Variants in KLF15 observed in about 807,000 individuals in gnomAD.
KLF15 encodes Krueppel-like factor 15.
In KLF15, 4 loss-of-function variants were observed where a neutral mutation model predicts 24.6. The observed-to-expected ratio is 0.16, with a 90% CI of 0.08 to 0.37. The LOEUF (loss-of-function observed/expected upper bound fraction) is 0.37. KLF15 is among the 10% of genes least tolerant of loss of function. The probability of loss-of-function intolerance (pLI) is 1.00; values close to 1 mark genes in which losing one functional copy is unlikely to be tolerated. For synonymous variants in KLF15, 246 were observed against 236.3 expected (o/e 1.04, Z -0.37); for missense variants, 496 against 560.6 (o/e 0.88, Z 1.16).
rs565318359 is a variant in KLF15, at chr3:126,356,672, G to C, written c.-26+565C>G. Among the ~76,000 whole-genome samples, 1 of 152,068 alleles carries C rather than the reference G, an allele frequency of 6.6e-6. No homozygotes were observed. On this transcript the variant is annotated intron_variant, in intron 1 of 2. Coordinates refer to ENST00000296233, the MANE Select transcript of KLF15 (RefSeq NM_014079.4). The surrounding 1 kb of genome is among the most constrained non-coding windows in gnomAD (Gnocchi z 4.4). ...GCGGGAGGCTGTCCGCGAAGGACTC[G>C]CGCGTGGAGCCGCCGTGGGTGCCGG...
At chr3:126,319,017 T>C in the KLF15 span, among the ~76,000 whole-genome samples, 1 of 152,258 alleles carries the variant, frequency 6.6e-6, no homozygotes, top group African/African-American at 2.4e-5. Context: ...TCCATAGTTT[T>C]GCTTTTTCCA....
At chr3:126,299,116 T>C in the KLF15 span, among the ~76,000 whole-genome samples, 2 of 152,242 alleles carry the variant, frequency 1.3e-5, no homozygotes, top group Admixed American at 1.3e-4. Context: ...TGTATTTCTA[T>C]TTCTTTGTGT....
At chr3:126,329,083 T>C in the KLF15 span, among the ~76,000 whole-genome samples, 2 of 152,218 alleles carry the variant, frequency 1.3e-5, no homozygotes, top group Admixed American at 1.3e-4. Flanking sequence ...TAATGGCACC[T>C]GCATCTTGCT....
In KLF15 at chr3:126,343,722, C is replaced by T. The variant is rs369737220; in HGVS notation, c.*5G>A. 155 of 1,608,740 alleles carry T rather than the reference C, an allele frequency of 9.6e-5. 1 individual carries two copies. Among genetic ancestry groups the T allele is most frequent in the Non-Finnish European group, 1.2e-4 (147 of 1,178,620 alleles). On this transcript the variant is annotated 3_prime_UTR_variant, in exon 3 of 3. Transcript: ENST00000296233. Reference sequence around the variant, plus strand: ...GTGACGGACAGGCTGGGGTTCAGGGCGCTTTCAGTTCACGGAGCGCACGGA... The same window carrying T: ...GTGACGGACAGGCTGGGGTTCAGGGTGCTTTCAGTTCACGGAGCGCACGGA...
At chr3:126,346,966 G>A (rs1289968099) in intron 2 of KLF15, among the ~76,000 whole-genome samples, 1 of 152,218 alleles carries the variant, frequency 6.6e-6, no homozygotes, top group Non-Finnish European at 1.5e-5. Flanking sequence ...AAGGCAACCA[G>A]TAACGGTTTA....
rs1481870727 is a variant in KLF15, at chr3:126,351,881, C to T, written c.1042G>A (p.Glu348Lys). ...LKAHLRRHTG[E>K]KPFACTWPGC... ...GGCCAGGTGCAGGCGAAGGGCTTCT[C>T]ACCCGTGTGCCGGCGCAGGTGGGCC... Residue 348 changes from glutamate (E) to lysine (K), a missense_variant, in exon 2 of 3, where the codon GAG becomes AAG. This residue lies in a region of KLF15 where 59 missense variants were observed against 106.1 expected (regional missense o/e 0.56). Coordinates refer to ENST00000296233, the MANE Select transcript of KLF15 (RefSeq NM_014079.4). The T allele has an allele frequency of 1.2e-6, 2 of 1,613,962 alleles. No individual in the cohort carries two copies. The highest frequency in any genetic ancestry group is 1.7e-5 in the Admixed American group (1 of 59,990).
the KLF15 span, among the ~76,000 whole-genome samples, chr3:126,295,831 T>G: frequency 3.3e-5 from 5 of 152,192 alleles, no homozygotes; most frequent in African/African-American, 9.6e-5. Flanking sequence ...CCAGGTGATG[T>G]TGGTTATGCT....
chr3:126,329,141 C>G, the KLF15 span, among the ~76,000 whole-genome samples: 1 of 152,198 alleles, frequency 6.6e-6, no homozygotes, highest in Admixed American at 6.5e-5. Context: ...CTCTTTTACC[C>G]ACTTGGAGTG....
rs1388675839 is a variant in KLF15 at position 126,356,575 on chromosome 3, C to A, written c.-26+662G>T. Among the ~76,000 whole-genome samples, 1 of 152,020 alleles carries A rather than the reference C, an allele frequency of 6.6e-6. No homozygotes were observed. Among genetic ancestry groups the A allele is most frequent in the Non-Finnish European group, 1.5e-5 (1 of 67,992 alleles). ...GAGACGCGTGAACGGTGCGGGTGTGCGTGAAGGGGTGTGAGTTCCTGTCGT... is the reference window on the plus strand; with the variant it reads ...GAGACGCGTGAACGGTGCGGGTGTGAGTGAAGGGGTGTGAGTTCCTGTCGT... On this transcript the variant is annotated intron_variant, in intron 1 of 2. Coordinates refer to ENST00000296233, the MANE Select transcript of KLF15 (RefSeq NM_014079.4). This position sits in a 1 kb window ranked among gnomAD's most constrained non-coding sequence, Gnocchi z 4.4.
the KLF15 span, among the ~76,000 whole-genome samples, chr3:126,323,435 A>AT: frequency 1.8e-4 from 10 of 54,850 alleles, no homozygotes; most frequent in African/African-American, 6.4e-4. Flanking sequence ...ATATATATAT[A>AT]ACATATATAT....
chr3:126,342,221 A>G (rs1290725474), downstream of KLF15, among the ~76,000 whole-genome samples: 3 of 152,230 alleles, frequency 2.0e-5, no homozygotes, highest in Admixed American at 6.5e-5. Context: ...CTAAGGGGGT[A>G]AATACTCTGC....
Position 126,343,710 on chromosome 3 carries a change from T to G in KLF15, c.*17A>C. 1 of 1,605,122 alleles carries G rather than the reference T, an allele frequency of 6.2e-7. No individual in the cohort carries two copies. Among genetic ancestry groups the G allele is most frequent in the Non-Finnish European group, 8.5e-7 (1 of 1,177,316 alleles). On this transcript the variant is annotated 3_prime_UTR_variant, in exon 3 of 3. Transcript: ENST00000296233. ...TGGGGATCCGGGGTGACGGACAGGC[T>G]GGGGTTCAGGGCGCTTTCAGTTCAC... is the stretch of plus-strand genomic sequence containing the variant.
downstream of KLF15, among the ~76,000 whole-genome samples, chr3:126,341,180 T>A (rs2082476984): frequency 6.6e-6 from 1 of 152,156 alleles, no homozygotes; most frequent in Non-Finnish European, 1.5e-5. Context: ...GTGCACCATA[T>A]GTGTGCACGT....
the KLF15 span, among the ~76,000 whole-genome samples, chr3:126,293,600 A>G: frequency 6.6e-6 from 1 of 152,126 alleles, no homozygotes; most frequent in Non-Finnish European, 1.5e-5. Context: ...AATGCCTCTC[A>G]CCCCAGGGCT....
chr3:126,341,755 G>C (rs1376951324), downstream of KLF15, among the ~76,000 whole-genome samples: 1 of 152,174 alleles, frequency 6.6e-6, no homozygotes, highest in Non-Finnish European at 1.5e-5. Context: ...CCAGCCTCCA[G>C]ATCTCCAAGG....
chr3:126,303,379 CT>C, the KLF15 span, among the ~76,000 whole-genome samples: 1 of 151,874 alleles, frequency 6.6e-6, no homozygotes, highest in South Asian at 2.1e-4. Flanking sequence ...TTTACTTTGC[CT>C]TTGTTTTTTG....
At chr3:126,347,691 C>T (rs753925738) in intron 2 of KLF15, among the ~76,000 whole-genome samples, 18 of 152,222 alleles carry the variant, frequency 1.2e-4, no homozygotes, top group South Asian at 2.1e-4. Flanking sequence ...ACTTCCCAGA[C>T]GGCTGGATCA....
At chr3:126,290,662 A>C in the KLF15 span, 1 of 152,160 alleles carries the variant, frequency 6.6e-6, no homozygotes, top group Non-Finnish European at 1.5e-5. Context: ...CTCCATTCCA[A>C]GATTACAGAA....
intron 2 of KLF15, among the ~76,000 whole-genome samples, chr3:126,349,451 G>T (rs557281724): frequency 6.6e-6 from 1 of 152,266 alleles, no homozygotes; most frequent in South Asian, 2.1e-4. Flanking sequence ...CCAGTGCCAG[G>T]GCTCAGATGT....
Sources: allele counts gnomAD v4.1 joint callset (sites outside exome capture counted in the v4.1 genomes callset), GRCh38; gene constraint gnomAD v4.1.1; regional missense constraint gnomAD v4.1.1; non-coding constraint Gnocchi (gnomAD v3.1); transcripts MANE v1.5; gene names NCBI Gene and HGNC (gene_info 2026-07-23, HGNC 2026-07-21).